Variants in DLC1 observed in about 807,000 individuals in gnomAD.
DLC1 encodes the protein rho GTPase-activating protein 7.
DLC1 carries 54 observed loss-of-function variants against 140.3 expected under a neutral mutation model. The observed-to-expected ratio is 0.38, with a 90% CI of 0.31 to 0.48. The LOEUF is 0.48. Ranked by LOEUF, DLC1 falls within the 20% of genes least tolerant of loss-of-function variation. The pLI, the probability that DLC1 is intolerant of heterozygous loss-of-function variation, is 0.96. For synonymous variants in DLC1, 986 were observed against 728.1 expected (o/e 1.35, Z -5.70); for missense variants, 2,536 against 1,907.0 (o/e 1.33, Z -6.14).
Position 13,086,286 on chromosome 8 carries a change from A to T in DLC1, c.4466+4T>A, listed in dbSNP as rs199783855. The T allele has an allele frequency of 3.4e-4, 547 of 1,613,054 alleles. 1 individual carries two copies. The highest frequency in any genetic ancestry group is 4.5e-4 in the Non-Finnish European group (530 of 1,179,592). ...CATATAAAAAAATCAGAATCAGAAC[A>T]TACCTTAAGTCAACTCTGCACATGT... On this transcript the variant is annotated splice_donor_region_variant and intron_variant, in intron 17 of 17. Coordinates refer to ENST00000276297, the MANE Select transcript of DLC1 (RefSeq NM_182643.3).
intron 5 of DLC1, among the ~76,000 whole-genome samples, chr8:13,247,500 A>C (rs981817333): frequency 6.6e-6 from 1 of 152,172 alleles, no homozygotes; most frequent in African/African-American, 2.4e-5. Flanking sequence ...CATGAGACAG[A>C]TGTATTCATA....
intron 5 of DLC1, among the ~76,000 whole-genome samples, chr8:13,237,205 G>A (rs1047921833): frequency 7.8e-6 from 1 of 127,910 alleles, no homozygotes; most frequent in Admixed American, 8.3e-5. Flanking sequence ...ATATGTGTGT[G>A]TGTGTGTGTG....
chr8:13,101,325 G>C lies in DLC1; in HGVS notation c.1567-555C>G, dbSNP rs540510141. Reference sequence around the variant, plus strand: ...TTTTATGGAAACTCTGGGATCCATAGGCTGTTCTTTAATTGCTCATAGAGG... The same window carrying C: ...TTTTATGGAAACTCTGGGATCCATACGCTGTTCTTTAATTGCTCATAGAGG... On this transcript the variant is annotated intron_variant, in intron 8 of 17. Transcript: ENST00000276297. 2.6e-5 allele frequency among the ~76,000 whole-genome samples: 4 copies of C among 152,300 alleles called. No individual in the cohort carries two copies. In the South Asian group the frequency reaches 8.3e-4, roughly 32 times the overall value.
intron 5 of DLC1, among the ~76,000 whole-genome samples, chr8:13,262,642 C>T (rs1830510886): frequency 6.6e-6 from 1 of 152,154 alleles, no homozygotes; most frequent in Non-Finnish European, 1.5e-5. Context: ...TCACTTGCAG[C>T]CTTGAGCTCC....
intron 5 of DLC1, among the ~76,000 whole-genome samples, chr8:13,254,365 G>C (rs901503468): frequency 1.3e-5 from 2 of 152,074 alleles, no homozygotes; most frequent in Non-Finnish European, 2.9e-5. Context: ...AGCCTGCAAG[G>C]ATGAACTTCT....
intron 5 of DLC1, among the ~76,000 whole-genome samples, chr8:13,303,438 A>C (rs1183103875): frequency 1.3e-5 from 2 of 152,202 alleles, no homozygotes; most frequent in African/African-American, 4.8e-5. Context: ...GTTCTTAAGG[A>C]GGAAAATTTC....
chr8:13,160,749 G>A (rs1824626809), intron 5 of DLC1, among the ~76,000 whole-genome samples: 1 of 152,132 alleles, frequency 6.6e-6, no homozygotes, highest in African/African-American at 2.4e-5. Flanking sequence ...CAATGTTTTT[G>A]TGAAACTACC....
intron 5 of DLC1, among the ~76,000 whole-genome samples, chr8:13,184,784 G>A (rs1826249469): frequency 6.6e-6 from 1 of 152,142 alleles, no homozygotes; most frequent in Non-Finnish European, 1.5e-5. Context: ...CTTGATTTGG[G>A]GTGGAGAGTT....
At chr8:13,247,330 T>C (rs772141715) in intron 5 of DLC1, among the ~76,000 whole-genome samples, 7 of 152,204 alleles carry the variant, frequency 4.6e-5, no homozygotes, top group Non-Finnish European at 1.0e-4. Context: ...GCCAACACTT[T>C]GCAAAGCAGT....
chr8:13,233,071 T>C (rs1829121511), intron 5 of DLC1, among the ~76,000 whole-genome samples: 1 of 152,010 alleles, frequency 6.6e-6, no homozygotes, highest in Non-Finnish European at 1.5e-5. Context: ...GAAGTGGATG[T>C]ATCACTTGAG....
chr8:13,300,867 G>C (rs189590557), intron 5 of DLC1, among the ~76,000 whole-genome samples: 83 of 152,336 alleles, frequency 5.4e-4, no homozygotes, highest in African/African-American at 1.8e-3. Flanking sequence ...GCAGATAATA[G>C]ACTGGTGTAA....
At chr8:13,334,039 T>A (rs1833712565) in intron 4 of DLC1, among the ~76,000 whole-genome samples, 1 of 152,088 alleles carries the variant, frequency 6.6e-6, no homozygotes, top group South Asian at 2.1e-4. Context: ...CATATTTAGA[T>A]AACTGTTAGG....
intron 4 of DLC1, among the ~76,000 whole-genome samples, chr8:13,368,806 T>C (rs754670078): frequency 1.3e-5 from 2 of 152,146 alleles, no homozygotes; most frequent in Non-Finnish European, 2.9e-5. Context: ...TTCTTCCTGC[T>C]CAGTCCATCT....
At chr8:13,299,426 C>T (rs1370174019) in intron 5 of DLC1, among the ~76,000 whole-genome samples, 1 of 139,774 alleles carries the variant, frequency 7.2e-6, no homozygotes, top group Non-Finnish European at 1.5e-5. Context: ...CCAGCCTGGG[C>T]AATAAGAGCA....
chr8:13,453,501 TGTATATATATATAC>T (rs1799234319), intron 2 of DLC1, among the ~76,000 whole-genome samples: 6 of 34,208 alleles, frequency 1.8e-4, no homozygotes, highest in African/African-American at 8.5e-4. Flanking sequence ...CATATATATA[TGTATATATATATAC>T]ATATATATAT....
At chr8:13,251,947 A>G (rs1040074807) in intron 5 of DLC1, among the ~76,000 whole-genome samples, 1 of 152,220 alleles carries the variant, frequency 6.6e-6, no homozygotes, top group Non-Finnish European at 1.5e-5. Context: ...ATAAAGTTAC[A>G]TAAGGGAAAT....
intron 4 of DLC1, among the ~76,000 whole-genome samples, chr8:13,319,316 C>T (rs1023049416): frequency 2.0e-5 from 3 of 152,158 alleles, no homozygotes; most frequent in Non-Finnish European, 4.4e-5. Flanking sequence ...CCCCGCCCTC[C>T]ACTGGCAAAG....
chr8:13,183,559 A>G lies in DLC1; in HGVS notation c.1349-67902T>C, dbSNP rs113678261. Among the ~76,000 whole-genome samples the G allele has an allele frequency of 1.2e-4, 19 of 152,314 alleles. 1 individual carries two copies. Among genetic ancestry groups the G allele is most frequent in the African/African-American group, 4.6e-4 (19 of 41,572 alleles). On this transcript the variant is annotated intron_variant, in intron 5 of 17. Transcript: ENST00000276297. ...GAATTTTGTTGAAGGCCTTTTCTGCATCTATTGAGATAATCATGTGGTTTT... is the reference window on the plus strand; with the variant it reads ...GAATTTTGTTGAAGGCCTTTTCTGCGTCTATTGAGATAATCATGTGGTTTT...
Position 13,100,188 on chromosome 8 carries a change from A to C in DLC1, c.2149T>G (p.Ser717Ala). 1.2e-6 allele frequency: 2 copies of C among 1,614,094 alleles called. No individual in the cohort carries two copies. The highest frequency in any genetic ancestry group is 2.2e-5 in the East Asian group (1 of 44,862). ...KLKQLNCVEI[S>A]ALNGNRINVP... ...TTGATGCGGTTGCCATTGAGGGCGG[A>C]GATCTCCACGCAGTTGAGCTGCTTC... The change falls in exon 9 of 18, where the codon TCC becomes GCC. Residue 717 changes from serine to alanine, a missense_variant. Ser to Ala is a moderately conservative substitution (Grantham distance 99). Coordinates refer to ENST00000276297, the MANE Select transcript of DLC1 (RefSeq NM_182643.3).
Sources: gnomAD v4.1 joint callset for allele counts (sites outside exome capture counted in the v4.1 genomes callset) on GRCh38, gnomAD v4.1.1 for gene constraint, MANE v1.5 for transcripts, NCBI Gene and HGNC (gene_info 2026-07-23, HGNC 2026-07-21) for gene names.